NFIA: variants seen among roughly 807,000 people sequenced by gnomAD.
The protein encoded by NFIA is nuclear factor I A, also known as nuclear factor 1 A-type.
Under a neutral mutation model 62.8 loss-of-function variants are expected in NFIA, and 8 were observed. The observed-to-expected ratio is 0.13, with a 90% CI of 0.07 to 0.23. The LOEUF (loss-of-function observed/expected upper bound fraction) is 0.23. NFIA is among the 10% of genes least tolerant of loss of function. The pLI is 1.00. For synonymous variants in NFIA, 235 were observed against 238.1 expected (o/e 0.99, Z 0.12); for missense variants, 410 against 642.1 (o/e 0.64, Z 3.91).
At chr1:61,085,218 C>G (rs1468133334) in intron 1 of NFIA, among the ~76,000 whole-genome samples, 1 of 151,782 alleles carries the variant, frequency 6.6e-6, no homozygotes, top group Non-Finnish European at 1.5e-5. Context: ...CAAGAAAAAC[C>G]TAGACATCTT....
Position 61,342,370 on chromosome 1 carries a change from G to A in NFIA, c.700+9784G>A, listed in dbSNP as rs190405554. ...ATCACTGTGGCAAAAAGACCTCTTA[G>A]GCCATCAAATCCCATCCCTGTCAGA... is the stretch of plus-strand genomic sequence containing the variant. On this transcript the variant is annotated intron_variant, in intron 4 of 10. Coordinates refer to ENST00000403491, the MANE Select transcript of NFIA (RefSeq NM_001134673.4). Among the ~76,000 whole-genome samples the A allele has an allele frequency of 2.6e-3, 402 of 152,166 alleles. 3 individuals are homozygous for A. Among genetic ancestry groups the A allele is most frequent in the African/African-American group, 9.3e-3 (385 of 41,510 alleles).
chr1:61,391,709 A>G (rs569494918), intron 7 of NFIA, among the ~76,000 whole-genome samples: 2 of 152,244 alleles, frequency 1.3e-5, no homozygotes, highest in Admixed American at 1.3e-4. Flanking sequence ...GCGTTTCACT[A>G]CTACTGTAAT....
chr1:61,157,291 T>C (rs1648884624), intron 2 of NFIA, among the ~76,000 whole-genome samples: 1 of 152,192 alleles, frequency 6.6e-6, no homozygotes, highest in African/African-American at 2.4e-5. Context: ...ATAAGTTCCT[T>C]CACTTTGTAG....
intron 10 of NFIA, among the ~76,000 whole-genome samples, chr1:61,449,260 T>C (rs753708032): frequency 6.6e-6 from 1 of 152,228 alleles, no homozygotes; most frequent in Non-Finnish European, 1.5e-5. Flanking sequence ...ACGAGCATGC[T>C]AGAAGTCATC....
At chr1:61,434,092 T>C (rs868140798) in intron 10 of NFIA, among the ~76,000 whole-genome samples, 23 of 152,264 alleles carry the variant, frequency 1.5e-4, no homozygotes, top group African/African-American at 5.1e-4. Context: ...CAGGCAGCAG[T>C]CTAAGTGTAC....
intron 2 of NFIA, among the ~76,000 whole-genome samples, chr1:61,128,521 T>C (rs966858209): frequency 7.2e-5 from 11 of 152,008 alleles, no homozygotes; most frequent in Admixed American, 2.6e-4. Flanking sequence ...GGAAGATGGT[T>C]TGAGTCCGGG....
At chr1:61,141,520 T>C (rs1647534007) in intron 2 of NFIA, among the ~76,000 whole-genome samples, 1 of 152,220 alleles carries the variant, frequency 6.6e-6, no homozygotes, top group African/African-American at 2.4e-5. Flanking sequence ...GAGGCAATAC[T>C]GTTAAACTTG....
At chr1:61,121,647 G>T (rs1439454203) in intron 2 of NFIA, among the ~76,000 whole-genome samples, 1 of 152,120 alleles carries the variant, frequency 6.6e-6, no homozygotes, top group African/African-American at 2.4e-5. Context: ...TAACATAAAA[G>T]AATCTTTCTG....
At chr1:61,402,885 G>A (rs952908400) in intron 7 of NFIA, among the ~76,000 whole-genome samples, 1 of 152,200 alleles carries the variant, frequency 6.6e-6, no homozygotes, top group African/African-American at 2.4e-5. Flanking sequence ...GTCAGAAAGT[G>A]CCCCAATCAT....
Position 61,121,331 on chromosome 1 carries a change from T to A in NFIA, c.559+32651T>A, listed in dbSNP as rs571868756. 4.9e-4 allele frequency among the ~76,000 whole-genome samples: 74 copies of A among 152,310 alleles called. 1 individual carries two copies. Among genetic ancestry groups the A allele is most frequent in the African/African-American group, 1.6e-3 (65 of 41,578 alleles). ...AATTCTTTGGTTTCTAGATAGAAAT[T>A]AGCAATCTTTTGCTCGGAATGTAAA... On this transcript the variant is annotated intron_variant, in intron 2 of 10. Transcript: ENST00000403491.
intron 2 of NFIA, among the ~76,000 whole-genome samples, chr1:61,105,684 T>C (rs1353993660): frequency 6.6e-6 from 1 of 151,966 alleles, no homozygotes; most frequent in Non-Finnish European, 1.5e-5. Context: ...CTAACTCATT[T>C]AATTATTACT....
At chr1:61,408,666 G>A (rs190215065) in intron 9 of NFIA, among the ~76,000 whole-genome samples, 10 of 152,292 alleles carry the variant, frequency 6.6e-5, no homozygotes, top group African/African-American at 2.2e-4. Flanking sequence ...ACGGGAATGA[G>A]GCTCTGCTGA....
At chr1:61,090,113 T>C (rs1265824535) in intron 2 of NFIA, among the ~76,000 whole-genome samples, 2 of 152,198 alleles carry the variant, frequency 1.3e-5, no homozygotes, top group Non-Finnish European at 2.9e-5. Flanking sequence ...TAAGTAGCCC[T>C]TTTTTAACCC....
chr1:61,356,288 T>C (rs1285993774), intron 5 of NFIA, among the ~76,000 whole-genome samples: 1 of 152,258 alleles, frequency 6.6e-6, no homozygotes, highest in Non-Finnish European at 1.5e-5. Context: ...CTTCTCATTT[T>C]ATTTGCCAGA....
intron 3 of NFIA, among the ~76,000 whole-genome samples, chr1:61,304,171 G>C (rs1007466555): frequency 1.3e-5 from 2 of 152,086 alleles, no homozygotes; most frequent in African/African-American, 4.8e-5. Flanking sequence ...AGCTACTCAG[G>C]AGGCTGAGGT....
intron 2 of NFIA, among the ~76,000 whole-genome samples, chr1:61,203,112 C>T (rs10889215): frequency 0.28 from 42,528 of 152,130 alleles, 10,761 homozygotes; most frequent in African/African-American, 0.67. Context: ...TCTGTTGGTG[C>T]GAGAGCTTAA....
At chr1:61,400,435 G>A (rs1218267389) in intron 7 of NFIA, among the ~76,000 whole-genome samples, 2 of 152,200 alleles carry the variant, frequency 1.3e-5, no homozygotes, top group Admixed American at 6.5e-5. Flanking sequence ...GGTACTAAGA[G>A]TATTAGATGC....
intron 2 of NFIA, among the ~76,000 whole-genome samples, chr1:61,151,733 C>T (rs377152544): frequency 1.3e-5 from 2 of 152,290 alleles, no homozygotes; most frequent in East Asian, 1.9e-4. Flanking sequence ...TAGTACTATT[C>T]TGGGTCCTGA....
chr1:61,283,775 A>G (rs988219104), intron 3 of NFIA, among the ~76,000 whole-genome samples: 1 of 151,932 alleles, frequency 6.6e-6, no homozygotes, highest in African/African-American at 2.4e-5. Context: ...CCTCACATGT[A>G]TAGTAGATAT....
Sources: allele counts gnomAD v4.1 joint callset (sites outside exome capture counted in the v4.1 genomes callset), GRCh38; gene constraint gnomAD v4.1.1; transcripts MANE v1.5; gene names NCBI Gene and HGNC (gene_info 2026-07-23, HGNC 2026-07-21).